Variants in PI4KA observed in about 807,000 individuals in gnomAD.
PI4KA encodes PI4-kinase alpha.
A neutral mutation model predicts 271.4 loss-of-function variants in PI4KA; 122 were observed. That is an observed-to-expected ratio of 0.45 (90% CI 0.39 to 0.52). The LOEUF is 0.52. Among genes scored for constraint, PI4KA ranks in the 20% least tolerant of loss-of-function variants. The probability of loss-of-function intolerance (pLI) is 0.00; values close to 1 mark genes in which losing one functional copy is unlikely to be tolerated. For synonymous variants in PI4KA, 1,041 were observed against 1,078.8 expected, an observed-to-expected ratio of 0.96 and a Z score of 0.69; for missense variants, 1,969 against 2,769.1, an observed-to-expected ratio of 0.71 and a Z score of 6.48.
Position 20,799,666 on chromosome 22 carries a change from C to A in PI4KA, c.1820+5G>T. On this transcript the variant is annotated splice_donor_5th_base_variant and intron_variant, in intron 15 of 54. Coordinates refer to ENST00000255882, the MANE Select transcript of PI4KA (RefSeq NM_058004.4). ...TGCCTCTGAGAGACAGGAATAGGGG[C>A]GTACTTGTCGCTCTCCTGAGAGATG... 6.5e-7 allele frequency: 1 copy of A among 1,546,398 alleles called. No individual in the cohort carries two copies. Among genetic ancestry groups the A allele is most frequent in the Non-Finnish European group, 8.8e-7 (1 of 1,142,200 alleles).
At chr22:20,781,927 A>G (rs187230403) in intron 19 of PI4KA, among the ~76,000 whole-genome samples, 41 of 152,370 alleles carry the variant, frequency 2.7e-4, no homozygotes, top group Non-Finnish European at 4.4e-4. Context: ...GGGAAGAACC[A>G]TAAGCGATGG....
intron 19 of PI4KA, among the ~76,000 whole-genome samples, chr22:20,767,028 T>G (rs1312005935): frequency 6.6e-6 from 1 of 152,064 alleles, no homozygotes; most frequent in East Asian, 1.9e-4. Context: ...CCCTGAGAAA[T>G]CTATCCAAAA....
intron 8 of PI4KA, among the ~76,000 whole-genome samples, chr22:20,811,607 C>CAAAAAAAAA: frequency 8.9e-6 from 1 of 112,418 alleles, no homozygotes; most frequent in Admixed American, 9.1e-5. Flanking sequence ...TGCAGAACCA[C>CAAAAAAAAA]AAAAAAAAAA....
intron 54 of PI4KA, 56 bp from the exon 55 acceptor site, chr22:20,708,154 C>G: frequency 6.9e-7 from 1 of 1,441,900 alleles, no homozygotes; most frequent in South Asian, 1.1e-5. Context: ...GGTCTGGGGT[C>G]CCTCCCCACA....
chr22:20,790,190 A>G (rs1691780797), intron 19 of PI4KA, among the ~76,000 whole-genome samples: 2 of 152,194 alleles, frequency 1.3e-5, no homozygotes, highest in African/African-American at 4.8e-5. Flanking sequence ...TGTATGACCC[A>G]GCTTCCTAGC....
At chr22:20,750,760 C>T (rs1172337065) in intron 27 of PI4KA, among the ~76,000 whole-genome samples, 1 of 152,182 alleles carries the variant, frequency 6.6e-6, no homozygotes, top group East Asian at 1.9e-4. Flanking sequence ...GCTGAAGGAG[C>T]TGTGAGCTGA....
At position 20,742,545 on chromosome 22, in the gene PI4KA, GTCA is replaced by G; in HGVS notation, c.3613+60_3613+62del. 1.4e-5 allele frequency: 23 copies of G among 1,586,766 alleles called. No individual in the cohort carries two copies. The South Asian group carries it at 2.5e-4, about 18-fold the overall frequency. On this transcript the variant is annotated intron_variant, in intron 31 of 54. Transcript: ENST00000255882. ...CGGCCAGTACTCCAGCTGGCTATGG[GTCA>G]TCAAGGCCAGCATTCATTTAGAAAC... is the stretch of plus-strand genomic sequence containing the variant.
chr22:20,714,783 T>C (rs1925764288), intron 45 of PI4KA, 83 bp from the exon 46 acceptor site: 3 of 1,496,246 alleles, frequency 2.0e-6, no homozygotes, highest in South Asian at 2.5e-5. Flanking sequence ...GGATGTTACA[T>C]GCGTGTCCAC....
At position 20,715,361 on chromosome 22, in the gene PI4KA, C is replaced by T. The variant is rs1263836977; in HGVS notation, c.5318-661G>A. ...CTGGGATTACAGGTGTGAGCCACTG[C>T]GCCTGGCCTTCCTTACCCATTTGAA... On this transcript the variant is annotated intron_variant, in intron 45 of 54. Transcript: ENST00000255882. Among the ~76,000 whole-genome samples, 17 of 152,162 alleles carry T rather than the reference C, an allele frequency of 1.1e-4. No homozygotes were observed. The East Asian group carries it at 3.3e-3, about 29-fold the overall frequency.
At chr22:20,847,871 C>T (rs1298994999) in intron 1 of PI4KA, among the ~76,000 whole-genome samples, 1 of 151,828 alleles carries the variant, frequency 6.6e-6, no homozygotes, top group Admixed American at 6.6e-5. Context: ...TACAACATTG[C>T]TAAAAGTAAA....
intron 32 of PI4KA, among the ~76,000 whole-genome samples, chr22:20,738,921 G>C (rs1406653533): frequency 6.6e-6 from 1 of 151,850 alleles, no homozygotes; most frequent in South Asian, 2.1e-4. Flanking sequence ...AAGACATCTC[G>C]GACAGGCGCG....
intron 30 of PI4KA, 27 bp downstream of exon 30, chr22:20,744,601 C>T: frequency 1.3e-6 from 2 of 1,577,552 alleles, no homozygotes; most frequent in Non-Finnish European, 1.7e-6. Context: ...CGTTAAAGGC[C>T]CTAGGGCGCA....
chr22:20,834,476 T>G lies in PI4KA; in HGVS notation c.367+86A>C. 1.2e-5 allele frequency: 10 copies of G among 822,002 alleles called. No homozygotes were observed. In the South Asian group the frequency reaches 1.4e-4, roughly 12 times the overall value. The allele number at this position is 822,002 out of a possible 1,614,324, so 50.9% of individuals were successfully genotyped here. On this transcript the variant is annotated intron_variant, in intron 3 of 54. Transcript: ENST00000255882. ...GGAGGGAGACAAGATGCATCTGATGTGTCAGTATGAATAAACACTTGATCC... is the reference window on the plus strand; with the variant it reads ...GGAGGGAGACAAGATGCATCTGATGGGTCAGTATGAATAAACACTTGATCC...
chr22:20,795,776 C>G (rs1934945362), intron 18 of PI4KA, among the ~76,000 whole-genome samples: 1 of 152,090 alleles, frequency 6.6e-6, no homozygotes, highest in Non-Finnish European at 1.5e-5. Context: ...CATGTTGCCA[C>G]TGTGTTCTGA....
intron 19 of PI4KA, among the ~76,000 whole-genome samples, chr22:20,780,709 G>A (rs1012334800): frequency 2.7e-5 from 4 of 148,162 alleles, no homozygotes; most frequent in African/African-American, 1.0e-4. Context: ...CTGGAAGGCA[G>A]AGATTGCAGT....
At chr22:20,726,988 C>T (rs1474601983) in intron 41 of PI4KA, among the ~76,000 whole-genome samples, 1 of 152,130 alleles carries the variant, frequency 6.6e-6, no homozygotes, top group Non-Finnish European at 1.5e-5. Context: ...CGTAATCAAA[C>T]TCAAGTTAAC....
intron 43 of PI4KA, 84 bp from the exon 44 acceptor site, chr22:20,718,906 G>A (rs1926362853): frequency 1.4e-6 from 2 of 1,428,736 alleles, no homozygotes; most frequent in African/African-American, 2.9e-5. Context: ...CCAGGCCCCA[G>A]ACTGGCAGTG....
chr22:20,777,898 C>T (rs763391069), intron 19 of PI4KA, among the ~76,000 whole-genome samples: 11 of 152,174 alleles, frequency 7.2e-5, no homozygotes, highest in Admixed American at 2.0e-4. Context: ...ACAGGATTGC[C>T]ATAATGCCTC....
At chr22:20,834,241 T>A (rs1164977797) in intron 3 of PI4KA, among the ~76,000 whole-genome samples, 1 of 152,162 alleles carries the variant, frequency 6.6e-6, no homozygotes, top group Admixed American at 6.5e-5. Flanking sequence ...TAACAGTGAC[T>A]GATTTGGGGA....
Sources: allele counts gnomAD v4.1 joint callset (sites outside exome capture counted in the v4.1 genomes callset), GRCh38; gene constraint gnomAD v4.1.1; transcripts MANE v1.5; gene names NCBI Gene and HGNC (gene_info 2026-07-23, HGNC 2026-07-21).